The following DOCK4 variants were observed in gnomAD, a reference collection of about 807,000 sequenced individuals.
The protein encoded by DOCK4 is dedicator of cytokinesis 4.
A neutral mutation model predicts 268.1 loss-of-function variants in DOCK4; 97 were observed. The observed-to-expected ratio is 0.36, with a 90% CI of 0.31 to 0.43. The LOEUF (loss-of-function observed/expected upper bound fraction) is 0.43, where lower values mean the gene tolerates loss of function less well. Among genes scored for constraint, DOCK4 ranks in the 20% least tolerant of loss-of-function variants. The pLI, the probability that DOCK4 is intolerant of heterozygous loss-of-function variation, is 1.00. For synonymous variants in DOCK4, 954 were observed against 887.2 expected (o/e 1.08, Z -1.34); for missense variants, 2,145 against 2,455.7 (o/e 0.87, Z 2.67).
chr7:111,869,178 C>T (rs1806219769), intron 21 of DOCK4, among the ~76,000 whole-genome samples: 1 of 152,164 alleles, frequency 6.6e-6, no homozygotes, highest in Non-Finnish European at 1.5e-5. Context: ...CGCTAAGCCA[C>T]CCTATTTGCT....
intron 15 of DOCK4, among the ~76,000 whole-genome samples, chr7:111,896,628 T>C (rs973157897): frequency 2.6e-5 from 4 of 152,100 alleles, no homozygotes; most frequent in Admixed American, 6.6e-5. Context: ...GGTTACTCTT[T>C]CACAAGTGGA....
chr7:111,813,527 G>C (rs2133922275), intron 27 of DOCK4, among the ~76,000 whole-genome samples: 1 of 152,216 alleles, frequency 6.6e-6, no homozygotes, highest in Middle Eastern at 3.4e-3. Flanking sequence ...CGATTTCATG[G>C]GCATTCGCTC....
At chr7:111,979,426 A>G (rs940215812) in intron 7 of DOCK4, among the ~76,000 whole-genome samples, 2 of 152,152 alleles carry the variant, frequency 1.3e-5, no homozygotes, top group African/African-American at 4.8e-5. Context: ...GTAGGAAAAA[A>G]GAATGATTTT....
chr7:111,958,688 C>A (rs10278977), intron 8 of DOCK4, among the ~76,000 whole-genome samples: 7,008 of 152,158 alleles, frequency 0.046, 539 homozygotes, highest in African/African-American at 0.16. Flanking sequence ...TGGTTTTCTG[C>A]AACTTGGAAT....
intron 13 of DOCK4, among the ~76,000 whole-genome samples, chr7:111,906,246 G>C (rs1472357705): frequency 6.6e-6 from 1 of 151,966 alleles, no homozygotes; most frequent in African/African-American, 2.4e-5. Context: ...ACAGTTCTAG[G>C]GACTATCTTT....
rs1408567323 is a variant in DOCK4, at chr7:111,728,316, G to A, written c.5886C>T (p.Gly1962=). Residue 1962 remains glycine, a synonymous_variant, in exon 53 of 53, where the codon GGC becomes GGT. Transcript: ENST00000428084. The part of the protein sequence containing the change: ...LENGARRTDP[G]PRPRPLPRKV... The stretch of plus-strand genomic sequence containing the variant: ...TGCGGGGCAGGGGCCTGGGCCGCGG[G>A]CCGGGGTCAGTCCTCCGGGCCCCAT... 9 of 1,512,432 alleles carry A rather than the reference G, an allele frequency of 6.0e-6. No homozygotes were observed. The highest frequency in any genetic ancestry group is 2.3e-5 in the East Asian group (1 of 43,820). 93.7% of individuals were successfully genotyped at this position (1,512,432 alleles called of 1,614,324 possible).
At chr7:112,102,155 C>T (rs946374273) in intron 1 of DOCK4, among the ~76,000 whole-genome samples, 1 of 152,196 alleles carries the variant, frequency 6.6e-6, no homozygotes, top group Non-Finnish European at 1.5e-5. Flanking sequence ...AACGCTCCTT[C>T]TGTACCACTC....
intron 26 of DOCK4, among the ~76,000 whole-genome samples, chr7:111,826,689 A>G (rs1802419155): frequency 6.6e-6 from 1 of 152,208 alleles, no homozygotes; most frequent in Non-Finnish European, 1.5e-5. Flanking sequence ...TTGGATACAC[A>G]CTGACATAAA....
intron 1 of DOCK4, among the ~76,000 whole-genome samples, chr7:112,030,379 G>A (rs970133917): frequency 1.3e-5 from 2 of 152,258 alleles, no homozygotes; most frequent in Non-Finnish European, 2.9e-5. Flanking sequence ...TGTTAGTGCC[G>A]CCTCAATTAA....
chr7:112,127,036 T>G (rs1813284345), intron 1 of DOCK4, among the ~76,000 whole-genome samples: 1 of 151,940 alleles, frequency 6.6e-6, no homozygotes, highest in Non-Finnish European at 1.5e-5. Flanking sequence ...GAAATACCAT[T>G]TGACCCAGCC....
At chr7:111,934,647 A>G (rs1162791715) in intron 12 of DOCK4, among the ~76,000 whole-genome samples, 2 of 145,794 alleles carry the variant, frequency 1.4e-5, no homozygotes, top group Admixed American at 7.2e-5. Context: ...CTCCTGCCTC[A>G]GCCTCCGGAG....
chr7:111,762,762 C>CTTTCTTTTTTTTTTTTTTTTTT (rs1797505856), intron 39 of DOCK4, among the ~76,000 whole-genome samples: 1 of 63,068 alleles, frequency 1.6e-5, no homozygotes, highest in Non-Finnish European at 3.0e-5. Context: ...GTTTTGTTTT[C>CTTTCTTTTTTTTTTTTTTTTTT]TTTTTTTTTT....
At chr7:112,028,246 G>C (rs1200937807) in intron 1 of DOCK4, among the ~76,000 whole-genome samples, 2 of 152,180 alleles carry the variant, frequency 1.3e-5, no homozygotes, top group African/African-American at 4.8e-5. Context: ...AAAGGAATAT[G>C]TTAATATGTT....
At chr7:111,779,358 T>C (rs1036669643) in intron 35 of DOCK4, among the ~76,000 whole-genome samples, 2 of 152,172 alleles carry the variant, frequency 1.3e-5, no homozygotes, top group African/African-American at 4.8e-5. Flanking sequence ...CTCTAAAATG[T>C]TTTTACCAAA....
At chr7:111,743,650 A>T (rs1796080838) in intron 44 of DOCK4, among the ~76,000 whole-genome samples, 1 of 152,156 alleles carries the variant, frequency 6.6e-6, no homozygotes, top group African/African-American at 2.4e-5. Flanking sequence ...TCTGGGAAGT[A>T]GACTCCAGCA....
At chr7:112,188,176 G>A (rs912909529) in intron 1 of DOCK4, among the ~76,000 whole-genome samples, 6 of 152,308 alleles carry the variant, frequency 3.9e-5, no homozygotes, top group Admixed American at 1.3e-4. Flanking sequence ...ATACTGTCTG[G>A]TAGAAGAGAC....
intron 1 of DOCK4, among the ~76,000 whole-genome samples, chr7:112,178,610 C>T (rs1440746821): frequency 1.3e-5 from 2 of 152,158 alleles, no homozygotes; most frequent in Non-Finnish European, 2.9e-5. Flanking sequence ...CAGTCAGACA[C>T]CAACATAACC....
intron 1 of DOCK4, among the ~76,000 whole-genome samples, chr7:112,132,376 G>C (rs1393440864): frequency 1.3e-5 from 2 of 152,086 alleles, no homozygotes; most frequent in African/African-American, 4.8e-5. Flanking sequence ...AAACAAAAGA[G>C]TGGAAATTAA....
chr7:111,849,320 T>C (rs958534629), intron 23 of DOCK4, among the ~76,000 whole-genome samples: 1 of 150,124 alleles, frequency 6.7e-6, no homozygotes, highest in East Asian at 2.0e-4. Flanking sequence ...TGGAGTGCAG[T>C]GGTGCAATCT....
Sources: allele counts gnomAD v4.1 joint callset (sites outside exome capture counted in the v4.1 genomes callset), GRCh38; gene constraint gnomAD v4.1.1; transcripts MANE v1.5; gene names NCBI Gene and HGNC (gene_info 2026-07-23, HGNC 2026-07-21).